PTTG1: variants seen among roughly 807,000 people sequenced by gnomAD.
PTTG1 encodes the protein PTTG1 regulator of sister chromatid separation, securin.
Under a neutral mutation model 20.0 loss-of-function variants are expected in PTTG1, and 8 were observed. That is an observed-to-expected ratio of 0.40 (90% CI 0.23 to 0.72). PTTG1 has a LOEUF of 0.72. PTTG1 is among the 30% of genes least tolerant of loss of function. The pLI is 0.38. For missense variants in PTTG1, 197 were observed against 236.0 expected (o/e 0.83, Z 1.08); for synonymous variants, 79 against 87.2 (o/e 0.91, Z 0.52).
chr5:160,424,203 TGTCA>T (rs1205039576), intron 3 of PTTG1, 30 bp from the exon 4 acceptor site: 7 of 1,479,810 alleles, frequency 4.7e-6, no homozygotes, highest in Non-Finnish European at 6.5e-6. Context: ...AGACTTCCAC[TGTCA>T]CTAACCCATA....
At chr5:160,423,002 A>T in intron 3 of PTTG1, 109 bp downstream of exon 3, 1 of 1,163,366 alleles carries the variant, frequency 8.6e-7, no homozygotes. Context: ...TAGAAGGGAA[A>T]TAGAGGTTAG....
At chr5:160,426,140 T>C (rs1368079813) in intron 4 of PTTG1, among the ~76,000 whole-genome samples, 1 of 152,222 alleles carries the variant, frequency 6.6e-6, no homozygotes, top group Non-Finnish European at 1.5e-5. Flanking sequence ...TGATCTGCTC[T>C]TTTCTGTATT....
intron 4 of PTTG1, 26 bp from the exon 5 acceptor site, chr5:160,427,689 A>T: frequency 6.2e-7 from 1 of 1,609,656 alleles, no homozygotes; most frequent in Non-Finnish European, 8.5e-7. Context: ...TGCTGCCCTG[A>T]CAAAAACGCT....
chr5:160,427,854 C>G lies in PTTG1; in HGVS notation c.510C>G (p.Pro170=). The G allele has an allele frequency of 1.2e-6, 2 of 1,614,194 alleles. No homozygotes were observed. The highest frequency in any genetic ancestry group is 8.5e-7 in the Non-Finnish European group (1 of 1,180,026). The change falls in exon 5 of 6, where the codon CCC becomes CCG. Residue 170 remains proline (P), a synonymous_variant. Transcript: ENST00000352433. ...QLGPPSPVKM[P]SPPWESNLLQ... is the part of the protein sequence containing the mutation. ...GCCCCCCTTCACCTGTGAAGATGCC[C>G]TCTCCACCATGGGAATCCAGTAAGT...
At chr5:160,425,527 A>G (rs888707796) in intron 4 of PTTG1, among the ~76,000 whole-genome samples, 3 of 152,248 alleles carry the variant, frequency 2.0e-5, no homozygotes, top group African/African-American at 7.2e-5. Context: ...TTCACTATCA[A>G]TGTTTTAAAA....
At chr5:160,423,417 T>G (rs1164462148) in intron 3 of PTTG1, among the ~76,000 whole-genome samples, 1 of 152,226 alleles carries the variant, frequency 6.6e-6, no homozygotes, top group East Asian at 1.9e-4. Context: ...ATGAGAGGAC[T>G]TTGCTGTGAA....
chr5:160,427,659 C>G, intron 4 of PTTG1, 56 bp from the exon 5 acceptor site: 1 of 1,576,664 alleles, frequency 6.3e-7, no homozygotes, highest in Non-Finnish European at 8.6e-7. Flanking sequence ...CACAAGGGAT[C>G]TACAGCCCAC....
At position 160,428,555 on chromosome 5, in the gene PTTG1, G is replaced by T; in HGVS notation, c.530-47G>T. On this transcript the variant is annotated intron_variant, in intron 5 of 5. Coordinates refer to ENST00000352433, the MANE Select transcript of PTTG1 (RefSeq NM_004219.4). Reference sequence around the variant, plus strand: ...TAATGTCTATGTTGATATGGACAATGACTCAAGGATTTGCAGAAATTTTAA... The same window carrying T: ...TAATGTCTATGTTGATATGGACAATTACTCAAGGATTTGCAGAAATTTTAA... The T allele has an allele frequency of 2.0e-6, 3 of 1,512,778 alleles. No homozygotes were observed. The South Asian group carries it at 3.4e-5, about 17-fold the overall frequency. 93.7% of individuals were successfully genotyped at this position (1,512,778 alleles called of 1,614,324 possible).
intron 5 of PTTG1, 137 bp from the exon 6 acceptor site, chr5:160,428,465 G>A: frequency 2.7e-6 from 2 of 729,608 alleles, no homozygotes; most frequent in East Asian, 2.5e-5. Context: ...TCCAAAAAAT[G>A]TGTCAGGAGG....
chr5:160,425,602 A>G (rs1298728667), intron 4 of PTTG1, among the ~76,000 whole-genome samples: 3 of 152,190 alleles, frequency 2.0e-5, no homozygotes, highest in Non-Finnish European at 4.4e-5. Context: ...TGGTGAACAT[A>G]TTTGATTATT....
Position 160,424,334 on chromosome 5 carries a change from G to C in PTTG1, c.370+4G>C. The stretch of plus-strand genomic sequence containing the variant: ...TTCTTTCCCTTCAATCCTCTAGGTA[G>C]TATCTTTTGCAATTGCGAAAAGTGC... On this transcript the variant is annotated splice_donor_region_variant and intron_variant, in intron 4 of 5. Coordinates refer to ENST00000352433, the MANE Select transcript of PTTG1 (RefSeq NM_004219.4). The C allele has an allele frequency of 6.3e-7, 1 of 1,580,668 alleles. No individual in the cohort carries two copies. The highest frequency in any genetic ancestry group is 1.1e-5 in the South Asian group (1 of 88,934).
Position 160,422,376 on chromosome 5 carries a change from G to A in PTTG1, c.64G>A (p.Asp22Asn), listed in dbSNP as rs1384424109. The A allele has an allele frequency of 5.0e-6, 8 of 1,614,050 alleles. No homozygotes were observed. The highest frequency in any genetic ancestry group is 1.1e-5 in the South Asian group (1 of 91,070). Residue 22 changes from aspartate to asparagine, a missense_variant, in exon 2 of 6, where the codon GAT becomes AAT. Asp to Asn is a conservative substitution (Grantham distance 23). Coordinates refer to ENST00000352433, the MANE Select transcript of PTTG1 (RefSeq NM_004219.4). ...ACCAGGCACCCGTGTGGTTGCTAAG[G>A]ATGGGCTGAAGCTGGGGTCTGGACC... ...GEPGTRVVAK[D>N]GLKLGSGPSI...
chr5:160,424,411 A>G lies in PTTG1; in HGVS notation c.370+81A>G, dbSNP rs1202069464. 5.8e-6 allele frequency: 6 copies of G among 1,029,610 alleles called. No homozygotes were observed. In the African/African-American group the frequency reaches 9.7e-5, roughly 17 times the overall value. The allele number at this position is 1,029,610 out of a possible 1,614,324, so 63.8% of individuals were successfully genotyped here. A position where few individuals can be genotyped will look rare whatever the true frequency, so the allele number is the denominator to read the frequency against. On this transcript the variant is annotated intron_variant, in intron 4 of 5. Coordinates refer to ENST00000352433, the MANE Select transcript of PTTG1 (RefSeq NM_004219.4). Reference sequence around the variant, plus strand: ...AGCTCAGCTGTAACTTGTTATGAATATAATATATGACCAAAAACTATGATG... The same window carrying G: ...AGCTCAGCTGTAACTTGTTATGAATGTAATATATGACCAAAAACTATGATG...
intron 4 of PTTG1, among the ~76,000 whole-genome samples, chr5:160,425,461 A>G (rs1765787518): frequency 6.6e-6 from 1 of 152,238 alleles, no homozygotes; most frequent in Admixed American, 6.5e-5. Flanking sequence ...GCCCTTCAAA[A>G]TAGTGTAAAT....
Position 160,424,237 on chromosome 5 carries a change from A to G in PTTG1, c.277A>G (p.Met93Val). ...CCCATATTTTCTTTGGCTGTTCTAG[A>G]TGACTGAGAAGACTGTTAAAGCAAA... is the stretch of plus-strand genomic sequence containing the variant. ...QKQPSFSAKK[M>V]TEKTVKAKSS... Residue 93 changes from methionine to valine, a missense_variant and splice_region_variant, in exon 4 of 6, where the codon ATG (methionine) becomes GTG (valine). Coordinates refer to ENST00000352433, the MANE Select transcript of PTTG1 (RefSeq NM_004219.4). The G allele has an allele frequency of 6.2e-7, 1 of 1,604,542 alleles. No homozygotes were observed.
Position 160,427,832 on chromosome 5 carries a change from C to G in PTTG1, c.488C>G (p.Pro163Arg). Reference protein sequence around the residue: ...RELEKLFQLGPPSPVKMPSPP... With the variant: ...RELEKLFQLGRPSPVKMPSPP... ...CTTGAAAAGCTGTTTCAGCTGGGCC[C>G]CCCTTCACCTGTGAAGATGCCCTCT... is the stretch of plus-strand genomic sequence containing the variant. The change falls in exon 5 of 6, where the codon CCC (proline) becomes CGC (arginine). Residue 163 changes from proline (P) to arginine (R), a missense_variant. Transcript: ENST00000352433. 1.2e-6 allele frequency: 2 copies of G among 1,614,118 alleles called. No homozygotes were observed. Among genetic ancestry groups the G allele is most frequent in the Non-Finnish European group, 1.7e-6 (2 of 1,180,008 alleles).
At chr5:160,427,460 G>T (rs547126458) in intron 4 of PTTG1, among the ~76,000 whole-genome samples, 71 of 152,316 alleles carry the variant, frequency 4.7e-4, no homozygotes, top group African/African-American at 1.6e-3. Flanking sequence ...TACAAGCGAA[G>T]AAGGATGCAG....
chr5:160,428,347 C>T (rs10058866), intron 5 of PTTG1, among the ~76,000 whole-genome samples: 1,679 of 152,248 alleles, frequency 0.011, 35 homozygotes, highest in African/African-American at 0.038. Flanking sequence ...TAATAAGTTA[C>T]ATTAGTGAGA....
intron 4 of PTTG1, among the ~76,000 whole-genome samples, chr5:160,425,062 A>G (rs1177184711): frequency 1.3e-5 from 2 of 152,190 alleles, no homozygotes; most frequent in African/African-American, 2.4e-5. Flanking sequence ...GTAAAGGAGG[A>G]TACAGGTGAG....
Sources: gnomAD v4.1 joint callset for allele counts (sites outside exome capture counted in the v4.1 genomes callset) on GRCh38, gnomAD v4.1.1 for gene constraint, MANE v1.5 for transcripts, NCBI Gene and HGNC (gene_info 2026-07-23, HGNC 2026-07-21) for gene names.